The following PNPLA5 variants were observed in gnomAD, a reference collection of about 807,000 sequenced individuals.
PNPLA5 encodes patatin-like phospholipase domain-containing protein 5.
PNPLA5 carries 44 observed loss-of-function variants against 49.1 expected under a neutral mutation model. The ratio of observed to expected loss-of-function variants is 0.90; its 90% CI spans 0.70 to 1.15. PNPLA5 has a LOEUF of 1.15. PNPLA5 is among the 50% of genes most tolerant of loss of function. The pLI, the probability that PNPLA5 is intolerant of heterozygous loss-of-function variation, is 0.00. For missense variants in PNPLA5, 603 were observed against 564.0 expected (o/e 1.07, Z -0.70); for synonymous variants, 243 against 244.4 (o/e 0.99, Z 0.06).
chr22:43,885,065 C>A (rs1212341998), intron 6 of PNPLA5, among the ~76,000 whole-genome samples: 1 of 152,268 alleles, frequency 6.6e-6, no homozygotes, highest in Non-Finnish European at 1.5e-5. Flanking sequence ...CAGGACATTC[C>A]TCCCTGGGCA....
chr22:43,888,342 G>A (rs2049686616), intron 4 of PNPLA5, among the ~76,000 whole-genome samples: 1 of 145,858 alleles, frequency 6.9e-6, no homozygotes, highest in Non-Finnish European at 1.5e-5. Context: ...AAGGGACAAG[G>A]AAGAGCCAGG....
intron 5 of PNPLA5, 175 bp from the exon 6 acceptor site, chr22:43,886,663 C>A: frequency 1.0e-6 from 1 of 955,668 alleles, no homozygotes; most frequent in East Asian, 1.2e-4. Flanking sequence ...CTGCTCTGCC[C>A]TGCTCCCTGC....
rs780623668 is a variant in PNPLA5 at position 43,889,336 on chromosome 22, C to A, written c.695G>T (p.Ser232Ile). ...TCACAGGGCCAGACCTACCTCGAGGCTGGGGGGTATGAGACATATGAGCCC... is the reference window on the plus strand; with the variant it reads ...TCACAGGGCCAGACCTACCTCGAGGATGGGGGGTATGAGACATATGAGCCC... ...FLGLICLIPP[S>I]LEVVADNCRQ... Residue 232 changes from serine to isoleucine, a missense_variant, in exon 4 of 9, where the codon AGC becomes ATC. By Grantham distance (142) the Ser-to-Ile change is moderately radical. Transcript: ENST00000216177. 3 of 1,613,792 alleles carry A rather than the reference C, an allele frequency of 1.9e-6. No homozygotes were observed. The highest frequency in any genetic ancestry group is 2.5e-6 in the Non-Finnish European group (3 of 1,179,992).
intron 4 of PNPLA5, among the ~76,000 whole-genome samples, chr22:43,888,089 G>T (rs2049684439): frequency 6.6e-6 from 1 of 152,188 alleles, no homozygotes; most frequent in Admixed American, 6.6e-5. Flanking sequence ...GGTGGGCTGA[G>T]GAACCAGGAG....
intron 7 of PNPLA5, among the ~76,000 whole-genome samples, chr22:43,882,097 A>T (rs2049616409): frequency 6.6e-6 from 1 of 152,076 alleles, no homozygotes; most frequent in African/African-American, 2.4e-5. Context: ...TGTCCTCCTT[A>T]TCGCCGTCCA....
intron 3 of PNPLA5, 112 bp downstream of exon 3, chr22:43,889,687 C>T (rs977227919): frequency 6.6e-7 from 1 of 1,517,478 alleles, no homozygotes; most frequent in Non-Finnish European, 8.8e-7. Flanking sequence ...GGGGGAGGGC[C>T]TGGCACACAG....
At chr22:43,881,073 C>G in intron 8 of PNPLA5, 188 bp from the exon 9 acceptor site, 1 of 813,258 alleles carries the variant, frequency 1.2e-6, no homozygotes, top group African/African-American at 1.9e-5. Context: ...ATGGCCACTC[C>G]CCAGAGAACT....
chr22:43,884,411 C>G, intron 6 of PNPLA5, 66 bp from the exon 7 acceptor site: 3 of 1,466,406 alleles, frequency 2.0e-6, no homozygotes, highest in Non-Finnish European at 2.7e-6. Context: ...CTGAGCCCCC[C>G]CATTTCACAC....
At position 43,886,414 on chromosome 22, in the gene PNPLA5, C is replaced by T. The variant is rs768922417; in HGVS notation, c.838G>A (p.Ala280Thr). ...PPAPADGNWD[A>T]GCDQRWKGGL... ...CCCTTCCAGCGTTGGTCACAGCCAG[C>T]ATCCCAGTTTCCGTCAGCCGGGGCT... The change falls in exon 6 of 9, where the codon GCT (alanine) becomes ACT (threonine). Residue 280 changes from alanine to threonine, a missense_variant. Transcript: ENST00000216177. 1.2e-6 allele frequency: 2 copies of T among 1,614,198 alleles called. No homozygotes were observed. The highest frequency in any genetic ancestry group is 1.7e-6 in the Non-Finnish European group (2 of 1,180,038).
At position 43,890,178 on chromosome 22, in the gene PNPLA5, G is replaced by C. The variant is rs2049708879; in HGVS notation, c.427-314C>G. On this transcript the variant is annotated intron_variant, in intron 2 of 8. Coordinates refer to ENST00000216177, the MANE Select transcript of PNPLA5 (RefSeq NM_138814.4). ...CTTGCCTGTGTAGCAGTTGGGATGGGGCCTGGCACATAGTAGGTGCTCAGT... is the reference window on the plus strand; with the variant it reads ...CTTGCCTGTGTAGCAGTTGGGATGGCGCCTGGCACATAGTAGGTGCTCAGT... 5.1e-6 allele frequency: 3 copies of C among 593,742 alleles called. No individual in the cohort carries two copies. In the African/African-American group the frequency reaches 6.1e-5, roughly 12 times the overall value. 36.8% of individuals were successfully genotyped at this position (593,742 alleles called of 1,614,324 possible).
intron 7 of PNPLA5, among the ~76,000 whole-genome samples, chr22:43,883,327 A>C (rs2049629280): frequency 6.6e-6 from 1 of 152,164 alleles, no homozygotes; most frequent in Admixed American, 6.5e-5. Context: ...CGTGAGCTCC[A>C]CCAGGCCAGG....
At chr22:43,885,431 T>C (rs1894627) in intron 6 of PNPLA5, among the ~76,000 whole-genome samples, 55,759 of 142,262 alleles carry the variant, frequency 0.39, 11,813 homozygotes, top group East Asian at 0.92. Flanking sequence ...CCACCTCACT[T>C]GCTCCTCCCA....
chr22:43,889,473 C>A lies in PNPLA5; in HGVS notation c.558G>T (p.Val186=). Residue 186 remains valine, a synonymous_variant, in exon 4 of 9, where the codon GTG becomes GTT. Coordinates refer to ENST00000216177, the MANE Select transcript of PNPLA5 (RefSeq NM_138814.4). ...TGTCCACTGTCCCATGGAAGGGCGACACCGTGATGGTGGAGGGGCAGTCTG... is the reference window on the plus strand; with the variant it reads ...TGTCCACTGTCCCATGGAAGGGCGAAACCGTGATGGTGGAGGGGCAGTCTG... The part of the protein sequence containing the change: ...PFADCPSTIT[V]SPFHGTVDIC... 1.9e-6 allele frequency: 3 copies of A among 1,614,084 alleles called. No homozygotes were observed. Among genetic ancestry groups the A allele is most frequent in the Non-Finnish European group, 2.5e-6 (3 of 1,179,994 alleles).
At chr22:43,889,637 G>A (rs2049702180) in intron 3 of PNPLA5, 99 bp from the exon 4 acceptor site, 1 of 1,531,706 alleles carries the variant, frequency 6.5e-7, no homozygotes, top group Non-Finnish European at 8.8e-7. Context: ...GAGTCACCAG[G>A]GCCACTCCAG....
Position 43,889,792 on chromosome 22 carries a change from C to T in PNPLA5, c.492+7G>A. ...GAGCACAGAACGGGGTTCCAGAGTG[C>T]ACTCACCTCCCCTCTGAACTCGGGG... On this transcript the variant is annotated splice_region_variant and intron_variant, in intron 3 of 8. Coordinates refer to ENST00000216177, the MANE Select transcript of PNPLA5 (RefSeq NM_138814.4). 6.2e-7 allele frequency: 1 copy of T among 1,611,710 alleles called. No individual in the cohort carries two copies. The highest frequency in any genetic ancestry group is 1.1e-5 in the South Asian group (1 of 90,732).
At chr22:43,887,540 C>G (rs2049678129) in intron 5 of PNPLA5, 51 bp downstream of exon 5, 2 of 1,587,380 alleles carry the variant, frequency 1.3e-6, no homozygotes, top group Non-Finnish European at 8.6e-7. Context: ...GCAGGGTCTA[C>G]CTGGCACCAT....
intron 4 of PNPLA5, among the ~76,000 whole-genome samples, chr22:43,888,371 A>AGTATGTGTGTGT (rs1556478423): frequency 1.5e-4 from 17 of 112,966 alleles, no homozygotes; most frequent in African/African-American, 6.2e-4. Flanking sequence ...GGGGCAGAGG[A>AGTATGTGTGTGT]GTGTGTGTGT....
At chr22:43,884,745 CAG>C (rs2049645107) in intron 6 of PNPLA5, among the ~76,000 whole-genome samples, 1 of 152,144 alleles carries the variant, frequency 6.6e-6, no homozygotes, top group Non-Finnish European at 1.5e-5. Flanking sequence ...AGTAACACGA[CAG>C]TGTTATTAAT....
chr22:43,880,325 C>G lies in PNPLA5; in HGVS notation c.*470G>C. The stretch of plus-strand genomic sequence containing the variant: ...CAAGGTTTCCTGAGTGGGGTAGATG[C>G]CGGGGGTCACCCCCAAGGGCCGCTG... On this transcript the variant is annotated 3_prime_UTR_variant, in exon 9 of 9. Transcript: ENST00000216177. 1 of 398,324 alleles carries G rather than the reference C, an allele frequency of 2.5e-6. No homozygotes were observed. Among genetic ancestry groups the G allele is most frequent in the Non-Finnish European group, 4.4e-6 (1 of 226,112 alleles). 24.7% of individuals were successfully genotyped at this position (398,324 alleles called of 1,614,324 possible).
Sources: gnomAD v4.1 joint callset for allele counts (sites outside exome capture counted in the v4.1 genomes callset) on GRCh38, gnomAD v4.1.1 for gene constraint, MANE v1.5 for transcripts, NCBI Gene and HGNC (gene_info 2026-07-23, HGNC 2026-07-21) for gene names.